Variants in GREM2 observed in about 807,000 individuals in gnomAD.
GREM2 encodes the protein gremlin 2, DAN family BMP antagonist, also known as gremlin-2.
Under a neutral mutation model 14.2 loss-of-function variants are expected in GREM2, and 11 were observed. The ratio of observed to expected loss-of-function variants is 0.78; its 90% CI spans 0.49 to 1.28. GREM2 has a LOEUF of 1.28. GREM2 is among the 50% of genes most tolerant of loss of function. The pLI is 0.00. For synonymous variants in GREM2, 98 were observed against 97.6 expected (o/e 1.00, Z -0.02); for missense variants, 210 against 218.5 (o/e 0.96, Z 0.24).
At chr1:240,539,317 C>G (rs1028958726) in intron 1 of GREM2, among the ~76,000 whole-genome samples, 32 of 152,292 alleles carry the variant, frequency 2.1e-4, no homozygotes, top group African/African-American at 7.7e-4. Context: ...TGTGCCCAAC[C>G]AGCCAGGATT....
chr1:240,549,620 C>T (rs555627322), intron 1 of GREM2, among the ~76,000 whole-genome samples: 1 of 152,216 alleles, frequency 6.6e-6, no homozygotes, highest in South Asian at 2.1e-4. Flanking sequence ...TCTGGAAAGG[C>T]CTTGGTCTTG....
At chr1:240,589,091 C>T (rs1448467716) in intron 1 of GREM2, 3 of 152,204 alleles carry the variant, frequency 2.0e-5, no homozygotes, top group Non-Finnish European at 2.9e-5. Flanking sequence ...CCACTGCACA[C>T]CAGCCTGAGC....
intron 1 of GREM2, among the ~76,000 whole-genome samples, chr1:240,530,066 A>C (rs74911758): frequency 0.034 from 5,142 of 152,186 alleles, 110 homozygotes; most frequent in Middle Eastern, 0.082. Flanking sequence ...CTCATTGGGC[A>C]CCCGGTTTTT....
At chr1:240,609,648 C>A (rs185393997) in intron 1 of GREM2, among the ~76,000 whole-genome samples, 1 of 152,068 alleles carries the variant, frequency 6.6e-6, no homozygotes, top group South Asian at 2.1e-4. Context: ...AACATGCCTG[C>A]AACCTGGCAC....
chr1:240,606,485 T>C (rs1352108918), intron 1 of GREM2, among the ~76,000 whole-genome samples: 1 of 152,164 alleles, frequency 6.6e-6, no homozygotes. Context: ...CAAACACCAC[T>C]GTAATCATTA....
intron 1 of GREM2, among the ~76,000 whole-genome samples, chr1:240,497,001 A>C (rs1003305420): frequency 1.3e-5 from 2 of 152,218 alleles, no homozygotes; most frequent in Non-Finnish European, 2.9e-5. Flanking sequence ...AGCCTGGGCA[A>C]CAAGAGTGAA....
chr1:240,598,281 A>G (rs1225246681), intron 1 of GREM2, among the ~76,000 whole-genome samples: 1 of 152,218 alleles, frequency 6.6e-6, no homozygotes, highest in African/African-American at 2.4e-5. Flanking sequence ...GTGGTGAGTC[A>G]AAAGACCCCA....
intron 1 of GREM2, among the ~76,000 whole-genome samples, chr1:240,535,798 CA>C (rs71170755): frequency 4.8e-4 from 62 of 130,022 alleles, no homozygotes; most frequent in Non-Finnish European, 5.4e-4. Context: ...GACTCCATCG[CA>C]AAAAAAAAAA....
intron 1 of GREM2, among the ~76,000 whole-genome samples, chr1:240,576,655 T>C (rs2103371815): frequency 6.6e-6 from 1 of 152,288 alleles, no homozygotes; most frequent in East Asian, 1.9e-4. Flanking sequence ...CTAATTAAAA[T>C]ATTCAGAAAA....
intron 1 of GREM2, among the ~76,000 whole-genome samples, chr1:240,592,253 A>G (rs1679729311): frequency 6.6e-6 from 1 of 152,236 alleles, no homozygotes; most frequent in South Asian, 2.1e-4. Flanking sequence ...CAGACTTGTA[A>G]GACACAATTC....
intron 1 of GREM2, among the ~76,000 whole-genome samples, chr1:240,597,597 T>C (rs996074258): frequency 6.6e-6 from 1 of 152,220 alleles, no homozygotes; most frequent in African/African-American, 2.4e-5. Context: ...TTTCTCCTAG[T>C]GACCTGGGAG....
chr1:240,570,935 C>T (rs1419645120), intron 1 of GREM2, among the ~76,000 whole-genome samples: 1 of 152,150 alleles, frequency 6.6e-6, no homozygotes, highest in Non-Finnish European at 1.5e-5. Context: ...GTGACTTAGG[C>T]AGGAACAGTG....
At chr1:240,598,937 AT>A (rs1288585788) in intron 1 of GREM2, among the ~76,000 whole-genome samples, 1 of 95,090 alleles carries the variant, frequency 1.1e-5, no homozygotes, top group Admixed American at 1.1e-4. Flanking sequence ...TTACCCACCC[AT>A]CCATCCATCC....
chr1:240,564,349 A>C (rs549388097), intron 1 of GREM2, among the ~76,000 whole-genome samples: 1 of 151,976 alleles, frequency 6.6e-6, no homozygotes, highest in African/African-American at 2.4e-5. Context: ...TCTACCAAAA[A>C]ATACAAAAAT....
At chr1:240,572,994 T>C (rs1679288241) in intron 1 of GREM2, among the ~76,000 whole-genome samples, 1 of 152,154 alleles carries the variant, frequency 6.6e-6, no homozygotes, top group Non-Finnish European at 1.5e-5. Flanking sequence ...ATTAAAACTA[T>C]CAAAATAATG....
chr1:240,556,951 C>A (rs560958624), intron 1 of GREM2, among the ~76,000 whole-genome samples: 2 of 151,932 alleles, frequency 1.3e-5, no homozygotes, highest in Non-Finnish European at 2.9e-5. Context: ...GGGTGGATTG[C>A]CTGAGCTCAG....
At chr1:240,507,072 T>G (rs1386819984) in intron 1 of GREM2, among the ~76,000 whole-genome samples, 2 of 152,314 alleles carry the variant, frequency 1.3e-5, no homozygotes, top group East Asian at 1.9e-4. Context: ...GAGCTGGTTT[T>G]GGGCAGGGCA....
intron 1 of GREM2, among the ~76,000 whole-genome samples, chr1:240,574,832 C>T (rs924894733): frequency 5.3e-5 from 8 of 151,886 alleles, no homozygotes; most frequent in African/African-American, 1.5e-4. Flanking sequence ...GATCTTGGGC[C>T]GGGAGTGGTG....
At chr1:240,608,038 G>A (rs765834892) in intron 1 of GREM2, among the ~76,000 whole-genome samples, 1 of 152,294 alleles carries the variant, frequency 6.6e-6, no homozygotes, top group African/African-American at 2.4e-5. Context: ...ATTATACAAA[G>A]AGACTCAATA....
Sources: gnomAD v4.1 joint callset for allele counts (sites outside exome capture counted in the v4.1 genomes callset) on GRCh38, gnomAD v4.1.1 for gene constraint, MANE v1.5 for transcripts, NCBI Gene and HGNC (gene_info 2026-07-23, HGNC 2026-07-21) for gene names.